Variants in HADHA observed in about 807,000 individuals in gnomAD.
The protein encoded by HADHA is trifunctional enzyme subunit alpha, mitochondrial.
In HADHA, 59 loss-of-function variants were observed where a neutral mutation model predicts 91.3. The ratio of observed to expected loss-of-function variants is 0.65; its 90% CI spans 0.52 to 0.80. The LOEUF (loss-of-function observed/expected upper bound fraction) is 0.80, where lower values mean the gene tolerates loss of function less well. Among genes scored for constraint, HADHA ranks in the 30% least tolerant of loss-of-function variants. The pLI is 0.00. For missense variants in HADHA, 800 were observed against 927.6 expected, an observed-to-expected ratio of 0.86 and a Z score of 1.79; for synonymous variants, 320 against 338.9, an observed-to-expected ratio of 0.94 and a Z score of 0.61.
intron 6 of HADHA, among the ~76,000 whole-genome samples, chr2:26,231,290 T>C (rs1010139826): frequency 6.6e-6 from 1 of 152,232 alleles, no homozygotes; most frequent in Non-Finnish European, 1.5e-5. Context: ...GCAAAGAGTA[T>C]TTCTGTTGAG....
chr2:26,201,347 TG>T lies in HADHA; in HGVS notation c.1221-28del, dbSNP rs1308115081. On this transcript the variant is annotated intron_variant, in intron 12 of 19. Coordinates refer to ENST00000380649, the MANE Select transcript of HADHA (RefSeq NM_000182.5). ...TAGAAAAAACACATTCCTAGTTAGA[TG>T]GGAAGAAAAGGAAACTAACGTTTAT... The T allele has an allele frequency of 8.5e-6, 13 of 1,532,514 alleles. No individual in the cohort carries two copies. In the African/African-American group the frequency reaches 1.6e-4, roughly 19 times the overall value. 94.9% of individuals were successfully genotyped at this position (1,532,514 alleles called of 1,614,324 possible).
Position 26,191,144 on chromosome 2 carries a change from GT to G in HADHA, c.*105del. ...ATCAGGGAGCAAACCCAGTGCCGGA[GT>G]TTGTCTTCTCGTTACTCTGATAAAT... is the stretch of plus-strand genomic sequence containing the variant. On this transcript the variant is annotated 3_prime_UTR_variant, in exon 20 of 20. Coordinates refer to ENST00000380649, the MANE Select transcript of HADHA (RefSeq NM_000182.5). The G allele has an allele frequency of 8.5e-7, 1 of 1,173,608 alleles. No individual in the cohort carries two copies. Among genetic ancestry groups the G allele is most frequent in the East Asian group, 2.4e-5 (1 of 42,242 alleles). 72.7% of individuals were successfully genotyped at this position (1,173,608 alleles called of 1,614,324 possible).
chr2:26,206,657 CAT>C (rs1386106791), intron 11 of HADHA, among the ~76,000 whole-genome samples: 1 of 152,158 alleles, frequency 6.6e-6, no homozygotes, highest in Non-Finnish European at 1.5e-5. Flanking sequence ...TACTGTATAA[CAT>C]AGTAATTCTA....
At chr2:26,227,081 T>G (rs1165515544) in intron 7 of HADHA, among the ~76,000 whole-genome samples, 3 of 152,118 alleles carry the variant, frequency 2.0e-5, no homozygotes, top group African/African-American at 7.2e-5. Flanking sequence ...TAAAGAACTC[T>G]GAAAACTCGA....
At chr2:26,234,582 C>T (rs1331316140) in intron 4 of HADHA, among the ~76,000 whole-genome samples, 4 of 151,960 alleles carry the variant, frequency 2.6e-5, no homozygotes, top group African/African-American at 4.8e-5. Context: ...CCGGCTAACA[C>T]GGTGAAACCC....
intron 13 of HADHA, among the ~76,000 whole-genome samples, chr2:26,198,378 T>TC (rs1669737623): frequency 1.3e-5 from 2 of 151,056 alleles, no homozygotes; most frequent in African/African-American, 4.9e-5. Context: ...TGTTTTTTTT[T>TC]TGTTTTTTTT....
intron 7 of HADHA, among the ~76,000 whole-genome samples, chr2:26,218,364 G>A (rs537093367): frequency 6.6e-6 from 1 of 151,644 alleles, no homozygotes; most frequent in South Asian, 2.1e-4. Flanking sequence ...AAAATGAAGT[G>A]GGAAATAGAC....
chr2:26,227,427 G>A lies in HADHA; in HGVS notation c.676+2765C>T, dbSNP rs545186219. Among the ~76,000 whole-genome samples, 10 of 151,990 alleles carry A rather than the reference G, an allele frequency of 6.6e-5. No individual in the cohort carries two copies. In the South Asian group the frequency reaches 8.3e-4, roughly 13 times the overall value. ...CTTGGGACGCTGAGGCAGGAGAATC[G>A]CTTGAACCTGGCAGGCAGAGGTTGC... On this transcript the variant is annotated intron_variant, in intron 7 of 19. Coordinates refer to ENST00000380649, the MANE Select transcript of HADHA (RefSeq NM_000182.5).
intron 7 of HADHA, among the ~76,000 whole-genome samples, chr2:26,216,674 A>G (rs1473820376): frequency 1.3e-5 from 2 of 152,100 alleles, no homozygotes; most frequent in African/African-American, 4.8e-5. Context: ...ACTAAGCCCA[A>G]AACTTTGGAG....
At chr2:26,231,968 CAAAAAAAAAA>C (rs70950177) in intron 6 of HADHA, among the ~76,000 whole-genome samples, 182 bp downstream of exon 6, 1 of 92,454 alleles carries the variant, frequency 1.1e-5, no homozygotes, top group Non-Finnish European at 2.1e-5. Flanking sequence ...GATTTTGTCT[CAAAAAAAAAA>C]AAAAAAAAAA....
chr2:26,217,832 A>G (rs759173891), intron 7 of HADHA, among the ~76,000 whole-genome samples: 2 of 152,120 alleles, frequency 1.3e-5, no homozygotes, highest in Non-Finnish European at 2.9e-5. Flanking sequence ...GCTTGAGCCC[A>G]GAAGTTCGGG....
At chr2:26,212,393 G>A in intron 10 of HADHA, 177 bp downstream of exon 10, 1 of 654,558 alleles carries the variant, frequency 1.5e-6, no homozygotes, top group Non-Finnish European at 2.8e-6. Context: ...GGCCCCATTA[G>A]GGTATTCTTA....
At chr2:26,196,609 C>A (rs1285808422) in intron 14 of HADHA, among the ~76,000 whole-genome samples, 1 of 152,116 alleles carries the variant, frequency 6.6e-6, no homozygotes, top group Non-Finnish European at 1.5e-5. Context: ...TGCTCCCGGG[C>A]AAACCAAGAT....
In HADHA at chr2:26,239,098, T is replaced by C; in HGVS notation, c.109+4A>G. 6.2e-7 allele frequency: 1 copy of C among 1,601,892 alleles called. No individual in the cohort carries two copies. Among genetic ancestry groups the C allele is most frequent in the South Asian group, 1.1e-5 (1 of 90,798 alleles). On this transcript the variant is annotated splice_donor_region_variant and intron_variant, in intron 2 of 19. Coordinates refer to ENST00000380649, the MANE Select transcript of HADHA (RefSeq NM_000182.5). ...CATACACATTAAAAAGAAATTAAAC[T>C]TACTCAGCAAAGCAGAAGACCCTGT...
chr2:26,212,318 C>A, intron 10 of HADHA: 1 of 477,632 alleles, frequency 2.1e-6, no homozygotes, highest in Non-Finnish European at 3.8e-6. Flanking sequence ...AACTCCTGAG[C>A]TCAAACGATC....
Position 26,204,851 on chromosome 2 carries a change from G to A in HADHA, c.1086-655C>T, listed in dbSNP as rs1453493898. ...GATCCTCCCACATCAGCCTCCCAAA[G>A]AGATGGGATTACAGGTGTGAGCCAT... On this transcript the variant is annotated intron_variant, in intron 11 of 19. Coordinates refer to ENST00000380649, the MANE Select transcript of HADHA (RefSeq NM_000182.5). 3.3e-5 allele frequency among the ~76,000 whole-genome samples: 5 copies of A among 152,270 alleles called. No homozygotes were observed. The South Asian group carries it at 1.0e-3, about 32-fold the overall frequency.
intron 10 of HADHA, chr2:26,212,324 C>T (rs922477701): frequency 8.6e-5 from 42 of 488,090 alleles, no homozygotes; most frequent in African/African-American, 4.7e-4. Flanking sequence ...TGAGCTCAAA[C>T]GATCTGCCCA....
At chr2:26,242,143 G>T (rs1022387149) in intron 1 of HADHA, among the ~76,000 whole-genome samples, 1 of 152,116 alleles carries the variant, frequency 6.6e-6, no homozygotes, top group Non-Finnish European at 1.5e-5. Context: ...GCCCGCCTTG[G>T]CCTCCCAATA....
chr2:26,197,708 T>G lies in HADHA; in HGVS notation c.1462A>C (p.Ser488Arg). 2.7e-6 allele frequency: 4 copies of G among 1,499,562 alleles called. No individual in the cohort carries two copies. The highest frequency in any genetic ancestry group is 3.7e-6 in the Non-Finnish European group (4 of 1,075,084). The allele number at this position is 1,499,562 out of a possible 1,614,324, so 92.9% of individuals were successfully genotyped here. A position where few individuals can be genotyped will look rare whatever the true frequency, so the allele number is the denominator to read the frequency against. ...ALPISEIAAV[S>R]KRPEKVIGMH... ...GAGTTTACCTTCTCAGGTCTTTTGC[T>G]GACAGCAGCGATTTCACTGATTGGG... Residue 488 changes from serine to arginine, a missense_variant, in exon 14 of 20, where the codon AGC becomes CGC. By Grantham distance (110) the Ser-to-Arg change is moderately radical. Transcript: ENST00000380649.
Sources: gnomAD v4.1 joint callset for allele counts (sites outside exome capture counted in the v4.1 genomes callset) on GRCh38, gnomAD v4.1.1 for gene constraint, MANE v1.5 for transcripts, NCBI Gene and HGNC (gene_info 2026-07-23, HGNC 2026-07-21) for gene names.